The following MPDZ variants were observed in gnomAD, a reference collection of about 807,000 sequenced individuals.
MPDZ encodes the protein multiple PDZ domain protein.
A neutral mutation model predicts 239.1 loss-of-function variants in MPDZ; 234 were observed. The observed-to-expected ratio is 0.98, with a 90% CI of 0.88 to 1.09. The LOEUF (loss-of-function observed/expected upper bound fraction) is 1.09, where lower values mean the gene tolerates loss of function less well. Among genes scored for constraint, MPDZ ranks in the 50% least tolerant of loss-of-function variants. The probability of loss-of-function intolerance (pLI) is 0.00; values close to 1 mark genes in which losing one functional copy is unlikely to be tolerated. For synonymous variants in MPDZ, 1,048 were observed against 881.3 expected, an observed-to-expected ratio of 1.19 and a Z score of -3.35; for missense variants, 3,175 against 2,510.0, an observed-to-expected ratio of 1.26 and a Z score of -5.66.
intron 2 of MPDZ, 83 bp downstream of exon 2, chr9:13,250,217 A>G: frequency 2.3e-6 from 3 of 1,307,964 alleles, no homozygotes; most frequent in Middle Eastern, 1.8e-4. Flanking sequence ...GAATCCTGCT[A>G]TGTTAAACAC....
chr9:13,234,576 T>C (rs1262188578), intron 3 of MPDZ, among the ~76,000 whole-genome samples: 1 of 152,150 alleles, frequency 6.6e-6, no homozygotes, highest in Non-Finnish European at 1.5e-5. Context: ...AATACTTATG[T>C]TTGATGGATA....
chr9:13,120,026 G>T, intron 38 of MPDZ: 1 of 198,044 alleles, frequency 5.0e-6, no homozygotes, highest in Non-Finnish European at 1.0e-5. Context: ...ATGGAGCTTT[G>T]AATAATATTA....
At chr9:13,197,711 A>C (rs1441193889) in intron 12 of MPDZ, among the ~76,000 whole-genome samples, 2 of 151,998 alleles carry the variant, frequency 1.3e-5, no homozygotes, top group African/African-American at 4.8e-5. Context: ...CTTCTAGTTA[A>C]TTGTATTTTT....
rs192785156 is a variant in MPDZ, at chr9:13,175,775, A to G, written c.3032T>C (p.Ile1011Thr). 6.9e-5 allele frequency: 108 copies of G among 1,570,878 alleles called. 1 individual carries two copies. The East Asian group carries it at 1.8e-3, about 27-fold the overall frequency. Residue 1011 changes from isoleucine (I) to threonine (T), a missense_variant, in exon 21 of 47, where the codon ATA becomes ACA. Physicochemically the swap from Ile to Thr is moderately conservative, Grantham distance 89. Coordinates refer to ENST00000319217, the MANE Select transcript of MPDZ (RefSeq NM_001378778.1). ...SKESFERTINIAKGNSSLGMT... is the reference protein window; with the variant it reads ...SKESFERTINTAKGNSSLGMT... ...ACCTAGGCTAGAATTGCCTTTTGCTATATTAATAGTCCTTTCAAAAGATTC... is the reference window on the plus strand; with the variant it reads ...ACCTAGGCTAGAATTGCCTTTTGCTGTATTAATAGTCCTTTCAAAAGATTC...
chr9:13,144,865 T>C (rs1948221653), intron 26 of MPDZ, among the ~76,000 whole-genome samples: 1 of 152,020 alleles, frequency 6.6e-6, no homozygotes, highest in African/African-American at 2.4e-5. Flanking sequence ...ACATGACCAT[T>C]TATTAACGTG....
chr9:13,128,775 C>G (rs915000362), intron 32 of MPDZ, among the ~76,000 whole-genome samples: 2 of 152,170 alleles, frequency 1.3e-5, no homozygotes, highest in Non-Finnish European at 1.5e-5. Flanking sequence ...GCTTGAACAG[C>G]CATCCTCTCC....
chr9:13,170,346 T>TA (rs755152640), intron 21 of MPDZ, among the ~76,000 whole-genome samples: 1 of 152,202 alleles, frequency 6.6e-6, no homozygotes, highest in East Asian at 1.9e-4. Flanking sequence ...GGCTCCTACT[T>TA]ACTGTTTTCT....
intron 31 of MPDZ, 176 bp downstream of exon 31, chr9:13,135,916 G>A (rs552812411): frequency 2.2e-4 from 110 of 506,154 alleles, no homozygotes; most frequent in Admixed American, 6.6e-4. Context: ...TCACATAAGT[G>A]GTATGCTTAT....
chr9:13,146,414 G>A (rs186720457), intron 26 of MPDZ, among the ~76,000 whole-genome samples: 67 of 152,110 alleles, frequency 4.4e-4, no homozygotes, highest in African/African-American at 1.5e-3. Flanking sequence ...AAGTTAAACT[G>A]AGCCCTTATA....
chr9:13,237,911 A>T (rs1437386908), intron 3 of MPDZ, among the ~76,000 whole-genome samples: 1 of 152,216 alleles, frequency 6.6e-6, no homozygotes, highest in Non-Finnish European at 1.5e-5. Context: ...CCAATGAAAT[A>T]TAAATTAAGC....
intron 3 of MPDZ, among the ~76,000 whole-genome samples, chr9:13,232,419 G>C (rs1031898132): frequency 6.6e-6 from 1 of 152,072 alleles, no homozygotes; most frequent in Non-Finnish European, 1.5e-5. Context: ...GACAATGCAA[G>C]GGAGAAAGGA....
intron 26 of MPDZ, among the ~76,000 whole-genome samples, chr9:13,145,327 C>T (rs773937880): frequency 2.6e-5 from 4 of 151,924 alleles, no homozygotes; most frequent in Non-Finnish European, 4.4e-5. Flanking sequence ...AAATGGGGCC[C>T]CCCTTTCAGT....
At chr9:13,208,892 A>G (rs1381117388) in intron 10 of MPDZ, among the ~76,000 whole-genome samples, 2 of 152,152 alleles carry the variant, frequency 1.3e-5, no homozygotes, top group East Asian at 3.9e-4. Flanking sequence ...CTTTCTCCCT[A>G]TCTCCACCCT....
intron 3 of MPDZ, among the ~76,000 whole-genome samples, chr9:13,227,920 G>A (rs1283867716): frequency 1.3e-5 from 2 of 152,024 alleles, no homozygotes; most frequent in Non-Finnish European, 2.9e-5. Flanking sequence ...ATACTCATAA[G>A]AAAAAGCAGA....
At chr9:13,152,214 C>G (rs1006343170) in intron 24 of MPDZ, among the ~76,000 whole-genome samples, 4 of 152,122 alleles carry the variant, frequency 2.6e-5, no homozygotes, top group African/African-American at 9.7e-5. Flanking sequence ...TGGTCACTAA[C>G]AGTCAAGACA....
intron 2 of MPDZ, among the ~76,000 whole-genome samples, 169 bp downstream of exon 2, chr9:13,250,131 T>C (rs945647125): frequency 1.3e-5 from 2 of 152,186 alleles, no homozygotes; most frequent in African/African-American, 4.8e-5. Flanking sequence ...TAGATGAAAT[T>C]GTCCAAATAC....
Position 13,119,657 on chromosome 9 carries a change from C to T in MPDZ, c.5232-8G>A. 6.2e-7 allele frequency: 1 copy of T among 1,613,886 alleles called. No individual in the cohort carries two copies. The highest frequency in any genetic ancestry group is 8.5e-7 in the Non-Finnish European group (1 of 1,179,834). On this transcript the variant is annotated splice_region_variant and splice_polypyrimidine_tract_variant and intron_variant, in intron 38 of 46. Transcript: ENST00000319217. The stretch of plus-strand genomic sequence containing the variant: ...AATACTCCAGTATCGTTTCTACACA[C>T]AATTTTGAATTTCAACATTATCTTT...
chr9:13,167,309 G>T (rs1951195464), intron 22 of MPDZ, among the ~76,000 whole-genome samples: 2 of 152,022 alleles, frequency 1.3e-5, no homozygotes, highest in Admixed American at 1.3e-4. Flanking sequence ...CTGTTCAACT[G>T]TAAACAAAAG....
At position 13,221,515 on chromosome 9, in the gene MPDZ, C is replaced by T; in HGVS notation, c.748-15G>A. ...TGCCAGTGAACCTACAAACAAAGCTCATATATGAATTTGTAGAAATTTACA... is the reference window on the plus strand; with the variant it reads ...TGCCAGTGAACCTACAAACAAAGCTTATATATGAATTTGTAGAAATTTACA... On this transcript the variant is annotated splice_polypyrimidine_tract_variant and intron_variant, in intron 6 of 46. Coordinates refer to ENST00000319217, the MANE Select transcript of MPDZ (RefSeq NM_001378778.1). 2 of 1,602,972 alleles carry T rather than the reference C, an allele frequency of 1.2e-6. No homozygotes were observed. The highest frequency in any genetic ancestry group is 1.7e-6 in the Non-Finnish European group (2 of 1,174,436).
Sources: gnomAD v4.1 joint callset for allele counts (sites outside exome capture counted in the v4.1 genomes callset) on GRCh38, gnomAD v4.1.1 for gene constraint, MANE v1.5 for transcripts, NCBI Gene and HGNC (gene_info 2026-07-23, HGNC 2026-07-21) for gene names.